The following GPC6 variants were observed in gnomAD, a reference collection of about 807,000 sequenced individuals.
The protein encoded by GPC6 is glypican 6, also known as glypican-6.
GPC6 carries 14 observed loss-of-function variants against 55.2 expected under a neutral mutation model. The ratio of observed to expected loss-of-function variants is 0.25; its 90% CI spans 0.17 to 0.40. GPC6 has a LOEUF of 0.40. Ranked by LOEUF, GPC6 falls within the 10% of genes least tolerant of loss-of-function variation. The pLI is 1.00. For missense variants in GPC6, 641 were observed against 708.5 expected (o/e 0.90, Z 1.08); for synonymous variants, 278 against 259.6 (o/e 1.07, Z -0.68).
At chr13:93,221,147 C>T in the GPC6 span, among the ~76,000 whole-genome samples, 1 of 152,178 alleles carries the variant, frequency 6.6e-6, no homozygotes. Context: ...TGAGCCACTG[C>T]ACCTGGCCTG....
intron 1 of GPC6, among the ~76,000 whole-genome samples, chr13:93,536,736 T>C (rs1365476804): frequency 6.6e-6 from 1 of 152,178 alleles, no homozygotes; most frequent in Non-Finnish European, 1.5e-5. Context: ...ACATCTCTTC[T>C]GCCCATTAGT....
intron 4 of GPC6, among the ~76,000 whole-genome samples, chr13:94,101,271 G>A (rs1276367926): frequency 6.6e-6 from 1 of 152,142 alleles, no homozygotes; most frequent in African/African-American, 2.4e-5. Context: ...CTCAACATTG[G>A]GAACAACAGT....
At chr13:93,327,371 T>C (rs981619130) in intron 1 of GPC6, among the ~76,000 whole-genome samples, 2 of 152,218 alleles carry the variant, frequency 1.3e-5, no homozygotes, top group Non-Finnish European at 2.9e-5. Context: ...GACAGTCGAA[T>C]ATACTGTATG....
In GPC6 at chr13:93,445,557, T is replaced by G. The variant is rs1877969269; in HGVS notation, c.161-99706T>G. Among the ~76,000 whole-genome samples the G allele has an allele frequency of 2.0e-5, 3 of 152,340 alleles. 1 individual carries two copies. In the South Asian group the frequency reaches 6.2e-4, roughly 32 times the overall value. ...TGGAGTCTGTCAACTCTTCACTGTC[T>G]TCTTCACATCTCCTGCAGCAATCTG... is the stretch of plus-strand genomic sequence containing the variant. On this transcript the variant is annotated intron_variant, in intron 1 of 8. Coordinates refer to ENST00000377047, the MANE Select transcript of GPC6 (RefSeq NM_005708.5).
chr13:93,732,746 G>C (rs1883872475), intron 2 of GPC6, among the ~76,000 whole-genome samples: 1 of 152,058 alleles, frequency 6.6e-6, no homozygotes, highest in Non-Finnish European at 1.5e-5. Flanking sequence ...TGGCAGTGCT[G>C]TCCAATACAG....
chr13:94,002,177 A>G (rs1881832540), intron 3 of GPC6, among the ~76,000 whole-genome samples: 1 of 151,998 alleles, frequency 6.6e-6, no homozygotes, highest in African/African-American at 2.4e-5. Context: ...AGAATTTACA[A>G]CTTTTCTAAG....
intron 1 of GPC6, among the ~76,000 whole-genome samples, chr13:93,467,658 C>T (rs1182373369): frequency 1.4e-5 from 2 of 142,696 alleles, no homozygotes; most frequent in African/African-American, 2.6e-5. Context: ...CACAATGACT[C>T]ACTGCAGTCT....
intron 3 of GPC6, among the ~76,000 whole-genome samples, chr13:93,947,736 C>G (rs1281759389): frequency 2.0e-5 from 3 of 151,622 alleles, no homozygotes; most frequent in African/African-American, 7.3e-5. Flanking sequence ...TCCTCTTCAA[C>G]GCTTTTTTTT....
chr13:93,399,440 G>A (rs1380500635), intron 1 of GPC6, among the ~76,000 whole-genome samples: 1 of 152,184 alleles, frequency 6.6e-6, no homozygotes, highest in Non-Finnish European at 1.5e-5. Flanking sequence ...AATCCGCCTT[G>A]AGTGAAGGAA....
chr13:93,605,766 C>T (rs1878211028), intron 2 of GPC6, among the ~76,000 whole-genome samples: 1 of 149,330 alleles, frequency 6.7e-6, no homozygotes. Flanking sequence ...CACTTGAACC[C>T]AGGAGGTGGA....
At chr13:94,242,367 C>T (rs553693993) in intron 4 of GPC6, among the ~76,000 whole-genome samples, 2 of 152,078 alleles carry the variant, frequency 1.3e-5, no homozygotes, top group Admixed American at 1.3e-4. Flanking sequence ...CTAGAAATGC[C>T]ATTTGACCCA....
At chr13:93,749,883 A>C (rs1025385828) in intron 2 of GPC6, among the ~76,000 whole-genome samples, 1 of 152,148 alleles carries the variant, frequency 6.6e-6, no homozygotes, top group African/African-American at 2.4e-5. Context: ...TTTTGGAGAA[A>C]ATATTGAAAA....
chr13:94,251,431 C>T (rs909273530), intron 4 of GPC6, among the ~76,000 whole-genome samples: 1 of 148,608 alleles, frequency 6.7e-6, no homozygotes, highest in African/African-American at 2.5e-5. Flanking sequence ...AACAAACCTG[C>T]ACGTTCTGCA....
At chr13:93,643,591 T>C (rs895029735) in intron 2 of GPC6, among the ~76,000 whole-genome samples, 2 of 152,112 alleles carry the variant, frequency 1.3e-5, no homozygotes, top group African/African-American at 4.8e-5. Flanking sequence ...TTTCTGGGTT[T>C]CAGCTCCCCA....
chr13:93,260,962 A>G (rs887070018), intron 1 of GPC6, among the ~76,000 whole-genome samples: 1 of 152,136 alleles, frequency 6.6e-6, no homozygotes, highest in African/African-American at 2.4e-5. Context: ...GTGGGAATAC[A>G]TGATTATGTT....
At chr13:93,921,787 A>G (rs896631742) in intron 3 of GPC6, among the ~76,000 whole-genome samples, 6 of 151,568 alleles carry the variant, frequency 4.0e-5, no homozygotes, top group African/African-American at 9.7e-5. Flanking sequence ...AGCCATTTAC[A>G]TTACCAGGTT....
chr13:93,643,669 C>G (rs1219472023), intron 2 of GPC6, among the ~76,000 whole-genome samples: 1 of 152,096 alleles, frequency 6.6e-6, no homozygotes. Context: ...AGAGTTTTCT[C>G]CCATCTCTGG....
At chr13:93,979,333 TTGTG>T (rs900936395) in intron 3 of GPC6, among the ~76,000 whole-genome samples, 6 of 142,740 alleles carry the variant, frequency 4.2e-5, no homozygotes, top group Admixed American at 1.4e-4. Context: ...GTGTGTTTTT[TTGTG>T]TGTGTGTGTT....
At chr13:93,646,541 A>G (rs868048096) in intron 2 of GPC6, among the ~76,000 whole-genome samples, 26 of 152,050 alleles carry the variant, frequency 1.7e-4, no homozygotes, top group Admixed American at 1.1e-3. Context: ...AGTAATCCCT[A>G]CGTGTTCTAC....
Sources: gnomAD v4.1 joint callset for allele counts (sites outside exome capture counted in the v4.1 genomes callset) on GRCh38, gnomAD v4.1.1 for gene constraint, MANE v1.5 for transcripts, NCBI Gene and HGNC (gene_info 2026-07-23, HGNC 2026-07-21) for gene names.